The following FNDC3A variants were observed in gnomAD, a reference collection of about 807,000 sequenced individuals.
FNDC3A encodes the protein fibronectin type-III domain-containing protein 3A.
Under a neutral mutation model 148.9 loss-of-function variants are expected in FNDC3A, and 32 were observed. The observed-to-expected ratio is 0.21, with a 90% CI of 0.16 to 0.29. FNDC3A has a LOEUF of 0.29. Ranked by LOEUF, FNDC3A falls within the 10% of genes least tolerant of loss-of-function variation. The pLI is 1.00. For synonymous variants in FNDC3A, 472 were observed against 473.6 expected (o/e 1.00, Z 0.04); for missense variants, 1,191 against 1,452.8 (o/e 0.82, Z 2.93).
chr13:49,106,181 T>G (rs755954810), intron 3 of FNDC3A, among the ~76,000 whole-genome samples: 31 of 152,204 alleles, frequency 2.0e-4, no homozygotes, highest in Non-Finnish European at 1.8e-4. Context: ...CCCACACTTC[T>G]TTCAAGTCTT....
At chr13:49,093,132 C>T (rs1052030165) in intron 3 of FNDC3A, among the ~76,000 whole-genome samples, 1 of 152,020 alleles carries the variant, frequency 6.6e-6, no homozygotes, top group African/African-American at 2.4e-5. Context: ...CCCACATCAG[C>T]CTTTCTCAAC....
intron 8 of FNDC3A, chr13:49,146,899 T>C (rs147351560): frequency 1.9e-3 from 288 of 152,350 alleles, no homozygotes; most frequent in African/African-American, 6.7e-3. Context: ...TGGTTAGTTA[T>C]TATTTAAGCA....
At chr13:49,132,752 G>A (rs1882109306) in intron 5 of FNDC3A, among the ~76,000 whole-genome samples, 1 of 152,158 alleles carries the variant, frequency 6.6e-6, no homozygotes, top group Non-Finnish European at 1.5e-5. Flanking sequence ...TGTACATGGT[G>A]TTCTCTCTGC....
chr13:48,989,665 A>G (rs1951872959), intron 1 of FNDC3A, among the ~76,000 whole-genome samples: 1 of 152,246 alleles, frequency 6.6e-6, no homozygotes, highest in Non-Finnish European at 1.5e-5. Context: ...CAAAATAGAT[A>G]TAAACTATAA....
intron 2 of FNDC3A, among the ~76,000 whole-genome samples, chr13:49,021,747 G>A (rs1223144011): frequency 1.3e-5 from 2 of 152,118 alleles, no homozygotes; most frequent in Non-Finnish European, 2.9e-5. Flanking sequence ...CTGCTGTTAT[G>A]GAGCAATGGA....
Position 49,198,263 on chromosome 13 carries a change from C to T in FNDC3A, c.2772C>T (p.Tyr924=), listed in dbSNP as rs759041276. The change falls in exon 22 of 26, where the codon TAC becomes TAT. Residue 924 remains tyrosine (Y), a splice_region_variant and synonymous_variant. Transcript: ENST00000492622. ...IINNLQPDTT[Y]RIRIQALNSL... is the part of the protein sequence containing the mutation. Reference sequence around the variant, plus strand: ...ACAATTTGCAACCAGATACAACATACAGGTATACTCTAAAAATTATGTTGA... The same window carrying T: ...ACAATTTGCAACCAGATACAACATATAGGTATACTCTAAAAATTATGTTGA... 4.3e-6 allele frequency: 7 copies of T among 1,611,762 alleles called. No individual in the cohort carries two copies. Among genetic ancestry groups the T allele is most frequent in the Middle Eastern group, 1.6e-4 (1 of 6,068 alleles).
chr13:49,066,296 C>T (rs754137485), intron 2 of FNDC3A, among the ~76,000 whole-genome samples: 2 of 152,154 alleles, frequency 1.3e-5, no homozygotes, highest in Non-Finnish European at 2.9e-5. Context: ...TTTGTGACTT[C>T]TGAACTAACT....
chr13:49,168,978 C>T (rs1884623969), intron 10 of FNDC3A, among the ~76,000 whole-genome samples: 2 of 152,174 alleles, frequency 1.3e-5, no homozygotes, highest in Non-Finnish European at 2.9e-5. Context: ...GTCCTTATTA[C>T]ATTGCACATG....
intron 4 of FNDC3A, among the ~76,000 whole-genome samples, chr13:49,121,411 C>A (rs1399150158): frequency 6.6e-6 from 1 of 152,156 alleles, no homozygotes; most frequent in Non-Finnish European, 1.5e-5. Flanking sequence ...CTAAAATCAA[C>A]ACCCTAACAT....
intron 2 of FNDC3A, among the ~76,000 whole-genome samples, chr13:49,041,954 A>G (rs1032692019): frequency 2.0e-5 from 3 of 152,122 alleles, no homozygotes; most frequent in South Asian, 2.1e-4. Flanking sequence ...TCAATATAAA[A>G]CCAAATAATT....
intron 5 of FNDC3A, among the ~76,000 whole-genome samples, chr13:49,133,061 T>C (rs1038446368): frequency 6.6e-6 from 1 of 152,218 alleles, no homozygotes; most frequent in Admixed American, 6.5e-5. Context: ...ACACAGCCTG[T>C]AAATAGTGGA....
intron 1 of FNDC3A, among the ~76,000 whole-genome samples, chr13:48,993,256 A>T (rs1269207613): frequency 6.6e-6 from 1 of 152,182 alleles, no homozygotes. Context: ...TTAGTCTTAG[A>T]GTTGTATGGC....
At chr13:49,114,032 AT>A (rs869293686) in intron 3 of FNDC3A, among the ~76,000 whole-genome samples, 225 of 151,582 alleles carry the variant, frequency 1.5e-3, no homozygotes, top group African/African-American at 5.0e-3. Context: ...ACAAAAAAAA[AT>A]TTTTTTTTCC....
At chr13:48,980,557 C>A (rs986972970) in intron 1 of FNDC3A, among the ~76,000 whole-genome samples, 1 of 152,064 alleles carries the variant, frequency 6.6e-6, no homozygotes, top group Non-Finnish European at 1.5e-5. Context: ...GATCTCTTTA[C>A]AAATAATTAA....
intron 8 of FNDC3A, among the ~76,000 whole-genome samples, chr13:49,153,956 A>G (rs1883486823): frequency 7.4e-6 from 1 of 134,858 alleles, no homozygotes; most frequent in African/African-American, 2.8e-5. Flanking sequence ...GTAGTGTGAT[A>G]CCTCCAGCTT....
chr13:49,171,940 G>T, intron 10 of FNDC3A, 103 bp from the exon 11 acceptor site: 1 of 783,250 alleles, frequency 1.3e-6, no homozygotes, highest in Non-Finnish European at 2.1e-6. Flanking sequence ...CCAAGTCACA[G>T]AAAACATCTG....
At chr13:49,070,893 TG>T (rs71076064) in intron 2 of FNDC3A, among the ~76,000 whole-genome samples, 1,881 of 142,542 alleles carry the variant, frequency 0.013, 78 homozygotes, top group African/African-American at 0.035. Flanking sequence ...TTTTTTTTTT[TG>T]TTTTGTTTTT....
At chr13:49,138,247 G>A (rs918681185) in intron 6 of FNDC3A, among the ~76,000 whole-genome samples, 3 of 151,956 alleles carry the variant, frequency 2.0e-5, no homozygotes, top group East Asian at 1.9e-4. Flanking sequence ...CCTGATCATC[G>A]TTTTCAGCAC....
At chr13:49,015,575 A>C (rs1041569559) in intron 2 of FNDC3A, among the ~76,000 whole-genome samples, 16 of 152,230 alleles carry the variant, frequency 1.1e-4, no homozygotes, top group South Asian at 4.1e-4. Flanking sequence ...TCTTTTCCTA[A>C]TTGAATACCC....
Sources: gnomAD v4.1 joint callset for allele counts (sites outside exome capture counted in the v4.1 genomes callset) on GRCh38, gnomAD v4.1.1 for gene constraint, MANE v1.5 for transcripts, NCBI Gene and HGNC (gene_info 2026-07-23, HGNC 2026-07-21) for gene names.